The following KCNAB3 variants were observed in gnomAD, a reference collection of about 807,000 sequenced individuals.
The protein encoded by KCNAB3 is potassium voltage-gated channel subfamily A regulatory beta subunit 3, also known as voltage-gated potassium channel subunit beta-3.
In KCNAB3, 62 loss-of-function variants were observed where a neutral mutation model predicts 67.7. The ratio of observed to expected loss-of-function variants is 0.92; its 90% confidence interval spans 0.75 to 1.13. The LOEUF (loss-of-function observed/expected upper bound fraction) is 1.13, where lower values mean the gene tolerates loss of function less well. Ranked by LOEUF, KCNAB3 falls within the 50% of genes most tolerant of loss-of-function variation. The pLI is 0.00. For missense variants in KCNAB3, 514 were observed against 522.9 expected (o/e 0.98, Z 0.17); for synonymous variants, 212 against 205.4 (o/e 1.03, Z -0.27).
Position 7,929,823 on chromosome 17 carries a change from GGGC to G in KCNAB3, c.-391_-389del. The G allele has an allele frequency of 1.2e-5, 12 of 1,012,412 alleles. No individual in the cohort carries two copies. The highest frequency in any genetic ancestry group is 1.2e-4 in the Admixed American group (2 of 16,474). The allele number at this position is 1,012,412 out of a possible 1,614,324, so 62.7% of individuals were successfully genotyped here. A position where few individuals can be genotyped will look rare whatever the true frequency, so the allele number is the denominator to read the frequency against. ...AGCGCGAACCGCTGCGGGACCCGCTGGGCTCCCAGCCGCGTCGGCAGCGGGCCC... is the reference window on the plus strand; with the variant it reads ...AGCGCGAACCGCTGCGGGACCCGCTGTCCCAGCCGCGTCGGCAGCGGGCCC... On this transcript the variant is annotated 5_prime_UTR_variant, in exon 1 of 14. Transcript: ENST00000303790. The surrounding 1 kb of genome is among the most constrained non-coding windows in gnomAD (Gnocchi z 5.7).
chr17:7,926,300 A>G (rs1022551116), intron 4 of KCNAB3, among the ~76,000 whole-genome samples, 197 bp from the exon 5 acceptor site: 2 of 152,184 alleles, frequency 1.3e-5, no homozygotes, highest in Non-Finnish European at 2.9e-5. Context: ...TCACATATTC[A>G]ACAAATATCT....
At chr17:7,926,549 C>G (rs1972239259) in intron 4 of KCNAB3, among the ~76,000 whole-genome samples, 1 of 152,126 alleles carries the variant, frequency 6.6e-6, no homozygotes, top group African/African-American at 2.4e-5. Context: ...TATGGTCCAG[C>G]CTTCTGGTCA....
Position 7,922,787 on chromosome 17 carries a change from A to C in KCNAB3, c.*315T>G, listed in dbSNP as rs1249061875. ...TTTGTTTTCTTTTCTGGGCCTCGGG[A>C]ATAAGGGGAGGAGAGTAGGGAGCGA... On this transcript the variant is annotated 3_prime_UTR_variant, in exon 14 of 14. Coordinates refer to ENST00000303790, the MANE Select transcript of KCNAB3 (RefSeq NM_004732.4). The C allele has an allele frequency of 2.3e-6, 1 of 431,720 alleles. No individual in the cohort carries two copies. Among genetic ancestry groups the C allele is most frequent in the Non-Finnish European group, 4.3e-6 (1 of 234,374 alleles). The allele number at this position is 431,720 out of a possible 1,614,324, so 26.7% of individuals were successfully genotyped here. A position where few individuals can be genotyped will look rare whatever the true frequency, so the allele number is the denominator to read the frequency against.
rs200635753 is a variant in KCNAB3 at position 7,923,949 on chromosome 17, G to A, written c.927+19C>T. The A allele has an allele frequency of 5.3e-5, 85 of 1,606,654 alleles. No homozygotes were observed. In the Middle Eastern group the frequency reaches 8.3e-4, roughly 16 times the overall value. On this transcript the variant is annotated intron_variant, in intron 11 of 13. Coordinates refer to ENST00000303790, the MANE Select transcript of KCNAB3 (RefSeq NM_004732.4). Reference sequence around the variant, plus strand: ...GCCCATATAGCCCAGTCCTGCCATCGAGAGCCCCCAGATCTCACCTTGATG... The same window carrying A: ...GCCCATATAGCCCAGTCCTGCCATCAAGAGCCCCCAGATCTCACCTTGATG...
chr17:7,929,219 C>G lies in KCNAB3; in HGVS notation c.217G>C (p.Gly73Arg). Residue 73 changes from glycine to arginine, a missense_variant, in exon 1 of 14, where the codon GGC (glycine) becomes CGC (arginine). By Grantham distance (125) the Gly-to-Arg change is moderately radical (BLOSUM62 -2). Transcript: ENST00000303790. The surrounding 1 kb of genome is among the most constrained non-coding windows in gnomAD (Gnocchi z 5.7). ...APAGALREST[G>R]RGTGMKYRNL... ...CTGTATTTCATGCCAGTGCCTCGGCCGGTGCTCTCTCGGAGGGCCCCAGCG... is the reference window on the plus strand; with the variant it reads ...CTGTATTTCATGCCAGTGCCTCGGCGGGTGCTCTCTCGGAGGGCCCCAGCG... 1 of 1,611,748 alleles carries G rather than the reference C, an allele frequency of 6.2e-7. No individual in the cohort carries two copies.
At chr17:7,923,281 G>A in intron 13 of KCNAB3, 102 bp from the exon 14 acceptor site, 1 of 1,328,358 alleles carries the variant, frequency 7.5e-7, no homozygotes. Flanking sequence ...GGGTCAAGTG[G>A]CAAGGCAAGA....
intron 12 of KCNAB3, 53 bp from the exon 13 acceptor site, chr17:7,923,597 G>A (rs183525730): frequency 1.9e-6 from 3 of 1,560,522 alleles, no homozygotes; most frequent in African/African-American, 1.4e-5. Flanking sequence ...TGACCACATA[G>A]ATTTCAGAAG....
Position 7,923,051 on chromosome 17 carries a change from G to A in KCNAB3, c.*51C>T, listed in dbSNP as rs751251593. On this transcript the variant is annotated 3_prime_UTR_variant, in exon 14 of 14. Transcript: ENST00000303790. ...CGGGAGAGGCGGCTGCGAGGAGCGGGGCTCGGGCGGGTGCAGCGACACCGG... is the reference window on the plus strand; with the variant it reads ...CGGGAGAGGCGGCTGCGAGGAGCGGAGCTCGGGCGGGTGCAGCGACACCGG... 3 of 1,555,466 alleles carry A rather than the reference G, an allele frequency of 1.9e-6. No individual in the cohort carries two copies. The highest frequency in any genetic ancestry group is 2.2e-5 in the South Asian group (2 of 89,796).
rs1357493090 is a variant in KCNAB3 at position 7,925,688 on chromosome 17, A to G, written c.533T>C (p.Ile178Thr). ...TTCCAGCCCCTAACTCTCACCCTCA[A>G]TGATGTGCTTTCGGCTTAAACCTCG... Reference protein sequence around the residue: ...TERGLSRKHIIEGLRGSLERL... With the variant: ...TERGLSRKHITEGLRGSLERL... Residue 178 changes from isoleucine (I) to threonine (T), a missense_variant, in exon 7 of 14, where the codon ATT becomes ACT. Physicochemically the swap from Ile to Thr is moderately conservative, Grantham distance 89. Transcript: ENST00000303790. 8.1e-6 allele frequency: 13 copies of G among 1,613,468 alleles called. No individual in the cohort carries two copies. The highest frequency in any genetic ancestry group is 1.7e-5 in the Admixed American group (1 of 59,990).
chr17:7,925,529 C>CA (rs35440319), intron 7 of KCNAB3, 154 bp downstream of exon 7: 78,480 of 420,142 alleles, frequency 0.19, 2,156 homozygotes, highest in East Asian at 0.25. Context: ...AACTCCGTCT[C>CA]AAAAAAAAAA....
chr17:7,926,406 A>C (rs1012889216), intron 4 of KCNAB3, among the ~76,000 whole-genome samples: 3 of 152,210 alleles, frequency 2.0e-5, no homozygotes, highest in Non-Finnish European at 4.4e-5. Context: ...GCCAGGAAGG[A>C]CACTGCCTTG....
At position 7,924,147 on chromosome 17, in the gene KCNAB3, A is replaced by G. The variant is rs755627791; in HGVS notation, c.830T>C (p.Ile277Thr). ...AGGCAGGGATGAGGGCTGCAAACCAATCTTGTGGTAGAGCTCTGGCAGCTG... is the reference window on the plus strand; with the variant it reads ...AGGCAGGGATGAGGGCTGCAAACCAGTCTTGTGGTAGAGCTCTGGCAGCTG... ...EMQLPELYHK[I>T]GVGSVTWYPL... The change falls in exon 10 of 14, where the codon ATT (isoleucine) becomes ACT (threonine). Residue 277 changes from isoleucine (I) to threonine (T), a missense_variant and splice_region_variant. Transcript: ENST00000303790. The G allele has an allele frequency of 1.7e-5, 27 of 1,613,818 alleles. No individual in the cohort carries two copies. Among genetic ancestry groups the G allele is most frequent in the African/African-American group, 6.7e-5 (5 of 74,876 alleles).
Position 7,929,530 on chromosome 17 carries a change from AC to A in KCNAB3, c.-96del. 6.6e-7 allele frequency: 1 copy of A among 1,522,748 alleles called. No individual in the cohort carries two copies. The highest frequency in any genetic ancestry group is 8.8e-7 in the Non-Finnish European group (1 of 1,139,136). 94.3% of individuals were successfully genotyped at this position (1,522,748 alleles called of 1,614,324 possible). ...GACGACCGGGGGCGTAGTGGGGCGAACCCCGGCAGAGCGGGAAGGCTGAGGA... is the reference window on the plus strand; with the variant it reads ...GACGACCGGGGGCGTAGTGGGGCGAACCCGGCAGAGCGGGAAGGCTGAGGA... On this transcript the variant is annotated 5_prime_UTR_variant, in exon 1 of 14. Transcript: ENST00000303790. This position sits in a 1 kb window ranked among gnomAD's most constrained non-coding sequence, Gnocchi z 5.7.
chr17:7,927,092 A>G, intron 4 of KCNAB3: 1 of 507,630 alleles, frequency 2.0e-6, no homozygotes, highest in Non-Finnish European at 3.6e-6. Flanking sequence ...GTAGTTGCAC[A>G]TAACTAATGC....
In KCNAB3 at chr17:7,922,853, G is replaced by A; in HGVS notation, c.*249C>T. 1 of 550,532 alleles carries A rather than the reference G, an allele frequency of 1.8e-6. No individual in the cohort carries two copies. Among genetic ancestry groups the A allele is most frequent in the East Asian group, 3.0e-5 (1 of 33,436 alleles). 34.1% of individuals were successfully genotyped at this position (550,532 alleles called of 1,614,324 possible). ...AGCCGACGGCGAGTAGCTCATGCCC[G>A]GGATTTGCAAGAAGGGCCTAGAAAG... On this transcript the variant is annotated 3_prime_UTR_variant, in exon 14 of 14. Transcript: ENST00000303790.
At position 7,929,291 on chromosome 17, in the gene KCNAB3, A is replaced by ACCCTCCAC. The variant is rs1972346620; in HGVS notation, c.137_144dup (p.Ser49ValfsTer33). ...AGTGCAGCTCGGGCCTTGGGGCCAG[A>ACCCTCCAC]CCCTCCACCCCCCGGAGGATTCCCG... is the stretch of plus-strand genomic sequence containing the variant. On this transcript the variant is annotated frameshift_variant, in exon 1 of 14. Transcript: ENST00000303790. LOFTEE classifies it high-confidence loss of function. This position sits in a 1 kb window ranked among gnomAD's most constrained non-coding sequence, Gnocchi z 5.7. The ACCCTCCAC allele has an allele frequency of 6.3e-7, 1 of 1,580,256 alleles. No individual in the cohort carries two copies. Among genetic ancestry groups the ACCCTCCAC allele is most frequent in the Middle Eastern group, 1.7e-4 (1 of 5,912 alleles).
intron 8 of KCNAB3, 75 bp from the exon 9 acceptor site, chr17:7,924,575 C>G (rs543792259): frequency 6.6e-7 from 1 of 1,508,664 alleles, no homozygotes; most frequent in South Asian, 1.3e-5. Context: ...AGACCTCCAC[C>G]TGCCCCACCA....
chr17:7,925,098 C>T lies in KCNAB3; in HGVS notation c.624G>A (p.Glu208=). The part of the protein sequence containing the change: ...ANRSDPNCPM[E]EIVRAMTYVI... ...AAGGTTTGGGGGTGCTGCTTTTACC[C>T]TCCATAGGACAGTTGGGGTCTGAGC... The change falls in exon 8 of 14, where the codon GAG becomes GAA. Residue 208 remains glutamate (E), a splice_region_variant and synonymous_variant. Coordinates refer to ENST00000303790, the MANE Select transcript of KCNAB3 (RefSeq NM_004732.4). 1 of 1,613,282 alleles carries T rather than the reference C, an allele frequency of 6.2e-7. No homozygotes were observed. Among genetic ancestry groups the T allele is most frequent in the Non-Finnish European group, 8.5e-7 (1 of 1,179,470 alleles).
chr17:7,924,174 A>G lies in KCNAB3; in HGVS notation c.803T>C (p.Met268Thr), dbSNP rs757234706. The change falls in exon 10 of 14, where the codon ATG (methionine) becomes ACG (threonine). Residue 268 changes from methionine (M) to threonine (T), a missense_variant. By Grantham distance (81) the Met-to-Thr change is moderately conservative (BLOSUM62 -1). Coordinates refer to ENST00000303790, the MANE Select transcript of KCNAB3 (RefSeq NM_004732.4). ...CTTGTGGTAGAGCTCTGGCAGCTGC[A>G]TCTCCACCTTCTCCCTCTGAAACAG... ...HHLFQREKVEMQLPELYHKIG... is the reference protein window; with the variant it reads ...HHLFQREKVETQLPELYHKIG... 1 of 1,614,094 alleles carries G rather than the reference A, an allele frequency of 6.2e-7. No homozygotes were observed. The highest frequency in any genetic ancestry group is 8.5e-7 in the Non-Finnish European group (1 of 1,180,036).
Sources: gnomAD v4.1 joint callset for allele counts (sites outside exome capture counted in the v4.1 genomes callset) on GRCh38, gnomAD v4.1.1 for gene constraint, Gnocchi (gnomAD v3.1) non-coding constraint, MANE v1.5 for transcripts, NCBI Gene and HGNC (gene_info 2026-07-23, HGNC 2026-07-21) for gene names.